The following SPAST variants were observed in gnomAD, a reference collection of about 807,000 sequenced individuals.
The protein encoded by SPAST is spastic paraplegia 4 (autosomal dominant; spastin).
Under a neutral mutation model 76.6 loss-of-function variants are expected in SPAST, and 30 were observed. The observed-to-expected ratio is 0.39, with a 90% CI of 0.29 to 0.53. SPAST has a LOEUF of 0.53. SPAST is among the 20% of genes least tolerant of loss of function. The pLI is 0.68. For synonymous variants in SPAST, 305 were observed against 281.0 expected (o/e 1.09, Z -0.86); for missense variants, 717 against 770.5 (o/e 0.93, Z 0.82).
intron 4 of SPAST, among the ~76,000 whole-genome samples, chr2:32,111,500 A>C (rs978920176): frequency 1.3e-5 from 2 of 151,012 alleles, no homozygotes; most frequent in Non-Finnish European, 3.0e-5. Context: ...TTTTAGTAAT[A>C]TCAAAAAACC....
At chr2:32,143,226 C>T (rs941962715) in intron 13 of SPAST, 110 bp from the exon 14 acceptor site, 8 of 681,316 alleles carry the variant, frequency 1.2e-5, no homozygotes, top group Non-Finnish European at 2.1e-5. Context: ...TATGATTGTG[C>T]CCTGCACTCC....
rs1553397121 is a variant in SPAST, at chr2:32,075,552, T to TTTC, written c.415+11308_415+11309insCTT. Reference sequence around the variant, plus strand: ...TTTAGTGTCATGGCTTTTTTCTTTTTTTTTTTTTTTTTTTTGAGACAAAGC... The same window carrying TTTC: ...TTTAGTGTCATGGCTTTTTTCTTTTTTTCTTTTTTTTTTTTTTTGAGACAAAGC... On this transcript the variant is annotated intron_variant, in intron 1 of 16. Coordinates refer to ENST00000315285, the MANE Select transcript of SPAST (RefSeq NM_014946.4). Among the ~76,000 whole-genome samples, 501 of 133,842 alleles carry TTTC rather than the reference T, an allele frequency of 3.7e-3. 7 individuals carry two copies. The highest frequency in any genetic ancestry group is 6.9e-3 in the Non-Finnish European group (432 of 62,454). The allele number at this position is 133,842 out of a possible 152,430, so 87.8% of individuals were successfully genotyped here.
intron 1 of SPAST, among the ~76,000 whole-genome samples, chr2:32,082,070 A>G (rs532439105): frequency 1.0e-4 from 13 of 126,856 alleles, no homozygotes; most frequent in East Asian, 7.1e-4. Context: ...CCTTACTGCA[A>G]CCTCTCCCTC....
At chr2:32,108,886 C>T (rs1678427432) in intron 4 of SPAST, among the ~76,000 whole-genome samples, 1 of 150,164 alleles carries the variant, frequency 6.7e-6, no homozygotes, top group African/African-American at 2.5e-5. Flanking sequence ...CTGCCTCAGC[C>T]TCCTGAGTAG....
chr2:32,141,935 C>A lies in SPAST; in HGVS notation c.1525C>A (p.Pro509Thr), dbSNP rs1553319092. ...CATCAAACGGGTATATGTGTCTTTA[C>A]CAAATGAGGAGGTATGTATCTGTGT... ...RFIKRVYVSL[P>T]NEETRLLLLK... Residue 509 changes from proline (P) to threonine (T), a missense_variant, in exon 13 of 17, where the codon CCA becomes ACA. By Grantham distance (38) the Pro-to-Thr change is conservative (BLOSUM62 -1). Coordinates refer to ENST00000315285, the MANE Select transcript of SPAST (RefSeq NM_014946.4). The A allele has an allele frequency of 6.2e-7, 1 of 1,611,932 alleles. No individual in the cohort carries two copies.
intron 3 of SPAST, among the ~76,000 whole-genome samples, chr2:32,093,334 T>C (rs1201750891): frequency 2.2e-5 from 2 of 91,002 alleles, no homozygotes; most frequent in African/African-American, 8.1e-5. Context: ...AAAAAAAAAA[T>C]AGCCGGGCAT....
chr2:32,133,669 C>T (rs78202918), intron 9 of SPAST, among the ~76,000 whole-genome samples: 2 of 147,406 alleles, frequency 1.4e-5, no homozygotes, highest in East Asian at 2.0e-4. Flanking sequence ...AAAAAAAAAA[C>T]GAACATTCAC....
chr2:32,128,325 T>C, intron 8 of SPAST, 83 bp from the exon 9 acceptor site: 1 of 1,013,178 alleles, frequency 9.9e-7, no homozygotes, highest in Non-Finnish European at 1.5e-6. Flanking sequence ...GAATCTTTTC[T>C]AGTACTTAAA....
rs189967523 is a variant in SPAST at position 32,140,572 on chromosome 2, G to A, written c.1494-1332G>A. On this transcript the variant is annotated intron_variant, in intron 12 of 16. Transcript: ENST00000315285. ...GCAGAGGTTGCAGTGAGCCAAGACGGCGGCACTGTACTCTAGCCTGGGGGA... is the reference window on the plus strand; with the variant it reads ...GCAGAGGTTGCAGTGAGCCAAGACGACGGCACTGTACTCTAGCCTGGGGGA... Among the ~76,000 whole-genome samples, 1,119 of 151,870 alleles carry A rather than the reference G, an allele frequency of 7.4e-3. 14 individuals carry two copies. The highest frequency in any genetic ancestry group is 0.011 in the Non-Finnish European group (759 of 67,930).
intron 3 of SPAST, among the ~76,000 whole-genome samples, chr2:32,098,205 T>C (rs2148717237): frequency 6.6e-6 from 1 of 152,136 alleles, no homozygotes. Flanking sequence ...GTGGCTCATG[T>C]CTGTAATCCC....
chr2:32,106,037 C>T (rs1285531992), intron 4 of SPAST, among the ~76,000 whole-genome samples: 2 of 152,174 alleles, frequency 1.3e-5, no homozygotes, highest in Non-Finnish European at 2.9e-5. Context: ...GCCTTTTGTT[C>T]AGCTATCCCA....
At chr2:32,067,981 C>CT (rs755475755) in intron 1 of SPAST, among the ~76,000 whole-genome samples, 1,525 of 140,372 alleles carry the variant, frequency 0.011, 25 homozygotes, top group African/African-American at 0.031. Context: ...TTTCTCTTTT[C>CT]TTTTTTTTTT....
In SPAST at chr2:32,156,379, A is replaced by G. The variant is rs1323136869; in HGVS notation, c.*1883A>G. ...TTAGGATCATATGCTGTTTGTAGCC[A>G]TAAGGTAAATCATGTCTCTTCCAAT... On this transcript the variant is annotated 3_prime_UTR_variant, in exon 17 of 17. Transcript: ENST00000315285. The G allele has an allele frequency of 6.6e-6, 1 of 152,186 alleles. No homozygotes were observed. Among genetic ancestry groups the G allele is most frequent in the Non-Finnish European group, 1.5e-5 (1 of 68,034 alleles). The allele number at this position is 152,186 out of a possible 1,614,324, so 9.4% of individuals were successfully genotyped here.
At chr2:32,124,951 C>T (rs1004505193) in intron 7 of SPAST, among the ~76,000 whole-genome samples, 1 of 152,058 alleles carries the variant, frequency 6.6e-6, no homozygotes, top group Admixed American at 6.5e-5. Flanking sequence ...TATGATAATC[C>T]AATGGTGGAT....
intron 7 of SPAST, among the ~76,000 whole-genome samples, chr2:32,118,537 A>T (rs1050516490): frequency 5.9e-5 from 9 of 152,174 alleles, no homozygotes; most frequent in African/African-American, 1.7e-4. Flanking sequence ...GTTATATAAG[A>T]TTAGTAAATG....
chr2:32,111,319 T>C lies in SPAST; in HGVS notation c.683-3319T>C, dbSNP rs1377864617. ...TAGCGTATATATACAGTATACTGTA[T>C]AGTGTGTATAGCGTATATATACAGT... On this transcript the variant is annotated intron_variant, in intron 4 of 16. Coordinates refer to ENST00000315285, the MANE Select transcript of SPAST (RefSeq NM_014946.4). Among the ~76,000 whole-genome samples the C allele has an allele frequency of 1.4e-5, 2 of 143,996 alleles. 1 individual carries two copies. The highest frequency in any genetic ancestry group is 3.0e-5 in the Non-Finnish European group (2 of 65,904). The allele number at this position is 143,996 out of a possible 152,430, so 94.5% of individuals were successfully genotyped here. A position where few individuals can be genotyped will look rare whatever the true frequency, so the allele number is the denominator to read the frequency against.
chr2:32,128,043 G>GGAGT (rs1269427804), intron 8 of SPAST: 1 of 251,814 alleles, frequency 4.0e-6, no homozygotes, highest in Non-Finnish European at 7.9e-6. Flanking sequence ...CACCCAAGCT[G>GGAGT]GAGTGCAGTG....
intron 7 of SPAST, among the ~76,000 whole-genome samples, chr2:32,123,710 A>G (rs967633550): frequency 1.3e-5 from 2 of 152,266 alleles, no homozygotes; most frequent in Non-Finnish European, 2.9e-5. Context: ...GAGCCTAGAA[A>G]TCAACCCACA....
At chr2:32,068,571 G>A (rs527254642) in intron 1 of SPAST, among the ~76,000 whole-genome samples, 3 of 152,152 alleles carry the variant, frequency 2.0e-5, no homozygotes, top group East Asian at 1.9e-4. Flanking sequence ...TGATCCACTC[G>A]CCTTGGCCTC....
Sources: allele counts gnomAD v4.1 joint callset (sites outside exome capture counted in the v4.1 genomes callset), GRCh38; gene constraint gnomAD v4.1.1; transcripts MANE v1.5; gene names NCBI Gene and HGNC (gene_info 2026-07-23, HGNC 2026-07-21).